Variants in CDK2AP1 observed in about 807,000 individuals in gnomAD.
The protein encoded by CDK2AP1 is cyclin dependent kinase 2 associated protein 1.
A neutral mutation model predicts 14.1 loss-of-function variants in CDK2AP1; 10 were observed. That is an observed-to-expected ratio of 0.71 (90% CI 0.44 to 1.20). CDK2AP1 has a LOEUF of 1.20. Ranked by LOEUF, CDK2AP1 falls within the 50% of genes most tolerant of loss-of-function variation. The pLI, the probability that CDK2AP1 is intolerant of heterozygous loss-of-function variation, is 0.00. For synonymous variants in CDK2AP1, 59 were observed against 59.8 expected, an observed-to-expected ratio of 0.99 and a Z score of 0.06; for missense variants, 102 against 149.9, an observed-to-expected ratio of 0.68 and a Z score of 1.67.
intron 1 of CDK2AP1, 38 bp from the exon 2 acceptor site, chr12:123,267,320 G>T: frequency 7.5e-7 from 1 of 1,335,372 alleles, no homozygotes; most frequent in Non-Finnish European, 1.1e-6. Context: ...AGTCAGCTCA[G>T]CCAGTTGTAC....
In CDK2AP1 at chr12:123,261,499, A is replaced by G; in HGVS notation, c.*237T>C. On this transcript the variant is annotated 3_prime_UTR_variant, in exon 4 of 4. Transcript: ENST00000261692. Reference sequence around the variant, plus strand: ...TAACTTTCCGTGCATCTTTTAAATCAATGCTTAAAAAACAAAAAAAACCTG... The same window carrying G: ...TAACTTTCCGTGCATCTTTTAAATCGATGCTTAAAAAACAAAAAAAACCTG... 1 of 463,868 alleles carries G rather than the reference A, an allele frequency of 2.2e-6. No homozygotes were observed. The highest frequency in any genetic ancestry group is 3.8e-5 in the East Asian group (1 of 26,038). The allele number at this position is 463,868 out of a possible 1,614,324, so 28.7% of individuals were successfully genotyped here. A position where few individuals can be genotyped will look rare whatever the true frequency, so the allele number is the denominator to read the frequency against.
At chr12:123,270,688 G>C (rs553544450) in intron 1 of CDK2AP1, among the ~76,000 whole-genome samples, 252 of 152,290 alleles carry the variant, frequency 1.7e-3, no homozygotes, top group Non-Finnish European at 2.9e-3. Context: ...TTCTGGAGGA[G>C]TTTCCTGGGA....
intron 2 of CDK2AP1, among the ~76,000 whole-genome samples, chr12:123,266,719 C>CCA (rs762881403): frequency 1.7e-4 from 26 of 152,206 alleles, no homozygotes; most frequent in Non-Finnish European, 3.7e-4. Flanking sequence ...CTCGCCCAGG[C>CCA]CACACTCTCA....
chr12:123,266,809 G>T (rs1189408259), intron 2 of CDK2AP1, among the ~76,000 whole-genome samples: 1 of 152,242 alleles, frequency 6.6e-6, no homozygotes, highest in Non-Finnish European at 1.5e-5. Context: ...CCCGTGGAGA[G>T]CAAGTGGGAA....
At position 123,265,032 on chromosome 12, in the gene CDK2AP1, G is replaced by A. The variant is rs926950317; in HGVS notation, c.280+164C>T. 6.6e-6 allele frequency among the ~76,000 whole-genome samples: 1 copy of A among 152,108 alleles called. No individual in the cohort carries two copies. The highest frequency in any genetic ancestry group is 6.5e-5 in the Admixed American group (1 of 15,270). On this transcript the variant is annotated intron_variant, in intron 3 of 3. Coordinates refer to ENST00000261692, the MANE Select transcript of CDK2AP1 (RefSeq NM_004642.4). The surrounding 1 kb of genome is among the most constrained non-coding windows in gnomAD (Gnocchi z 5.3). ...CAGGCCCCTCGCTACCAGACCCATC[G>A]CCTGCCTGAGGCCTCCACCACAGAC...
intron 3 of CDK2AP1, among the ~76,000 whole-genome samples, chr12:123,264,906 C>T (rs1376565835): frequency 6.6e-6 from 1 of 152,036 alleles, no homozygotes; most frequent in Non-Finnish European, 1.5e-5. Context: ...TTCGAACACA[C>T]CCTTGAAAGC....
intron 1 of CDK2AP1, chr12:123,267,790 G>A: frequency 6.4e-6 from 1 of 156,120 alleles, no homozygotes; most frequent in Non-Finnish European, 1.4e-5. Context: ...AACCCTGGCT[G>A]GAGACAGGCA....
chr12:123,267,576 A>C, intron 1 of CDK2AP1: 2 of 347,348 alleles, frequency 5.8e-6, no homozygotes, highest in Non-Finnish European at 1.1e-5. Context: ...AATTATTGCC[A>C]CTCCTGGCCT....
intron 1 of CDK2AP1, 159 bp from the exon 2 acceptor site, chr12:123,267,441 T>C (rs766139780): frequency 2.0e-5 from 12 of 597,684 alleles, no homozygotes; most frequent in African/African-American, 3.7e-5. Context: ...GCATATAAGA[T>C]GGATAATGAA....
chr12:123,268,165 T>C (rs1281762216), intron 1 of CDK2AP1: 2 of 983,312 alleles, frequency 2.0e-6, no homozygotes, highest in African/African-American at 1.7e-5. Context: ...CATGGAGAAT[T>C]TACCTAGTCC....
chr12:123,268,242 G>A, intron 1 of CDK2AP1: 7 of 985,516 alleles, frequency 7.1e-6, no homozygotes, highest in South Asian at 4.7e-5. Context: ...CACAGTGGGC[G>A]CCGCAGACTT....
At chr12:123,271,088 G>T in intron 1 of CDK2AP1, 1 of 888,190 alleles carries the variant, frequency 1.1e-6, no homozygotes, top group Non-Finnish European at 1.3e-6. Flanking sequence ...GCCCGCCCGC[G>T]CGGGTCCTGG....
At chr12:123,267,578 T>G (rs1449848584) in intron 1 of CDK2AP1, 1 of 356,652 alleles carries the variant, frequency 2.8e-6, no homozygotes, top group African/African-American at 2.1e-5. Flanking sequence ...TTATTGCCAC[T>G]CCTGGCCTGA....
chr12:123,271,166 G>GCCCCGCT (rs1341614588), intron 1 of CDK2AP1: 54 of 299,890 alleles, frequency 1.8e-4, no homozygotes, highest in Admixed American at 9.4e-4. Context: ...GGGGCCCCGC[G>GCCCCGCT]CCCCGCTCCC....
chr12:123,269,525 G>GCATCTCAGA (rs776052131), intron 1 of CDK2AP1, among the ~76,000 whole-genome samples: 1 of 152,246 alleles, frequency 6.6e-6, no homozygotes, highest in Non-Finnish European at 1.5e-5. Flanking sequence ...CCGTCTCGGC[G>GCATCTCAGA]CATCTCAGAC....
At chr12:123,263,559 G>A (rs2048256037) in intron 3 of CDK2AP1, among the ~76,000 whole-genome samples, 1 of 152,096 alleles carries the variant, frequency 6.6e-6, no homozygotes. Flanking sequence ...AGCAGCCCTG[G>A]GACCACCCAA....
chr12:123,272,023 GCGGC>G (rs2048359237), upstream of CDK2AP1: 1 of 148,338 alleles, frequency 6.7e-6, no homozygotes, highest in African/African-American at 2.4e-5. Flanking sequence ...GCGCGTCCGG[GCGGC>G]TGCCCCGCGC....
At chr12:123,269,896 G>A (rs1219282200) in intron 1 of CDK2AP1, among the ~76,000 whole-genome samples, 1 of 152,162 alleles carries the variant, frequency 6.6e-6, no homozygotes, top group Admixed American at 6.5e-5. Context: ...TGGGGGGTTG[G>A]GAGGGGCACC....
chr12:123,268,589 T>C (rs1302812692), intron 1 of CDK2AP1, among the ~76,000 whole-genome samples: 1 of 152,214 alleles, frequency 6.6e-6, no homozygotes, highest in Non-Finnish European at 1.5e-5. Context: ...ATGCTCCAGC[T>C]TGGGCTGGAA....
Sources: gnomAD v4.1 joint callset for allele counts (sites outside exome capture counted in the v4.1 genomes callset) on GRCh38, gnomAD v4.1.1 for gene constraint, Gnocchi (gnomAD v3.1) non-coding constraint, MANE v1.5 for transcripts, NCBI Gene and HGNC (gene_info 2026-07-23, HGNC 2026-07-21) for gene names.